ZNF462: variants seen among roughly 807,000 people sequenced by gnomAD.
ZNF462 encodes zinc finger PBX1-interacting protein.
In ZNF462, 10 loss-of-function variants were observed where a neutral mutation model predicts 201.9. The observed-to-expected ratio is 0.05, with a 90% CI of 0.03 to 0.08. The LOEUF is 0.08. Among genes scored for constraint, ZNF462 ranks in the 10% least tolerant of loss-of-function variants. ZNF462 has a pLI of 1.00. For synonymous variants in ZNF462, 1,227 were observed against 1,193.3 expected (o/e 1.03, Z -0.58); for missense variants, 2,523 against 3,168.3 (o/e 0.80, Z 4.89).
chr9:106,965,673 G>T (rs1487585002), intron 7 of ZNF462, among the ~76,000 whole-genome samples: 3 of 152,086 alleles, frequency 2.0e-5, no homozygotes, highest in Non-Finnish European at 4.4e-5. Context: ...GGGAAAGATG[G>T]TGTCAGTTCT....
chr9:106,959,571 A>T (rs1831734499), intron 7 of ZNF462, among the ~76,000 whole-genome samples: 1 of 152,086 alleles, frequency 6.6e-6, no homozygotes. Context: ...CCACTTGACA[A>T]ATGAGGACAC....
intron 1 of ZNF462, among the ~76,000 whole-genome samples, chr9:106,918,445 G>A (rs997632953): frequency 6.6e-6 from 1 of 152,100 alleles, no homozygotes; most frequent in Non-Finnish European, 1.5e-5. Context: ...GTTCCTGAAA[G>A]AGATTTCACC....
chr9:106,957,637 CAGA>C (rs1831640307), intron 7 of ZNF462, among the ~76,000 whole-genome samples: 1 of 152,022 alleles, frequency 6.6e-6, no homozygotes, highest in South Asian at 2.1e-4. Context: ...CTAAGACATC[CAGA>C]AGAATATTGC....
chr9:106,949,418 A>G (rs942065382), intron 7 of ZNF462, among the ~76,000 whole-genome samples: 11 of 152,202 alleles, frequency 7.2e-5, no homozygotes, highest in African/African-American at 2.4e-4. Flanking sequence ...GAAAAAGCCA[A>G]TGGAATCTGG....
Position 106,984,300 on chromosome 9 carries a change from A to G in ZNF462, c.6947A>G (p.Gln2316Arg). The change falls in exon 10 of 13, where the codon CAG becomes CGG. Residue 2316 changes from glutamine to arginine, a missense_variant. Physicochemically the swap from Gln to Arg is conservative, Grantham distance 43. This residue lies in a region of ZNF462 where 228 missense variants were observed against 361.2 expected (regional missense o/e 0.63). Transcript: ENST00000277225. The surrounding 1 kb of genome is among the most constrained non-coding windows in gnomAD (Gnocchi z 6.4). ...TFTCSSDESL[Q>R]QHIEKHNELK... ...ACCTGCTCCAGTGATGAGAGCCTCC[A>G]GCAACATATAGAAAAGCACAATGAA... 6.2e-7 allele frequency: 1 copy of G among 1,614,142 alleles called. No homozygotes were observed. The highest frequency in any genetic ancestry group is 8.5e-7 in the Non-Finnish European group (1 of 1,179,990).
At chr9:106,958,449 C>T (rs968503506) in intron 7 of ZNF462, among the ~76,000 whole-genome samples, 1 of 152,110 alleles carries the variant, frequency 6.6e-6, no homozygotes, top group East Asian at 1.9e-4. Context: ...TAAAAGGGTC[C>T]TACTATCTCA....
intron 7 of ZNF462, among the ~76,000 whole-genome samples, chr9:106,969,641 A>T (rs1036190521): frequency 6.6e-6 from 1 of 152,118 alleles, no homozygotes; most frequent in African/African-American, 2.4e-5. Flanking sequence ...GGTATCTGAG[A>T]TGACTACCAG....
rs1395540004 is a variant in ZNF462, at chr9:106,981,977, T to C, written c.6833-2209T>C. On this transcript the variant is annotated intron_variant, in intron 9 of 12. Transcript: ENST00000277225. This position sits in a 1 kb window ranked among gnomAD's most constrained non-coding sequence, Gnocchi z 4.0. Reference sequence around the variant, plus strand: ...ATAACATATAAATGAGGAACTAAAATGTAGAGAGAGCAAGGGGGATGCAGT... The same window carrying C: ...ATAACATATAAATGAGGAACTAAAACGTAGAGAGAGCAAGGGGGATGCAGT... 6.6e-6 allele frequency among the ~76,000 whole-genome samples: 1 copy of C among 152,084 alleles called. No individual in the cohort carries two copies. The highest frequency in any genetic ancestry group is 1.5e-5 in the Non-Finnish European group (1 of 68,008).
At position 106,864,094 on chromosome 9, in the gene ZNF462, CTCTCTCTCTCTCT is replaced by C. The variant is rs1564062723; in HGVS notation, c.-31+740_-31+752del. The stretch of plus-strand genomic sequence containing the variant: ...TCTCTCTCTCTCTCTCTCTCTCTCT[CTCTCTCTCTCTCT>C]CTCCCTCTCCCCGAAGTTGGGATGC... On this transcript the variant is annotated intron_variant, in intron 1 of 12. Transcript: ENST00000277225. 2.2e-3 allele frequency among the ~76,000 whole-genome samples: 289 copies of C among 129,988 alleles called. 15 individuals are homozygous for C. Among genetic ancestry groups the C allele is most frequent in the Non-Finnish European group, 2.9e-3 (174 of 59,236 alleles). 85.3% of individuals were successfully genotyped at this position (129,988 alleles called of 152,430 possible).
chr9:106,998,703 G>A (rs927356118), intron 10 of ZNF462, among the ~76,000 whole-genome samples: 1 of 152,064 alleles, frequency 6.6e-6, no homozygotes, highest in Non-Finnish European at 1.5e-5. Flanking sequence ...CACTTCCCAG[G>A]TTTAAGCAAT....
intron 1 of ZNF462, 149 bp downstream of exon 1, chr9:106,863,504 G>A (rs1295844462): frequency 1.4e-5 from 4 of 280,630 alleles, no homozygotes; most frequent in Non-Finnish European, 2.6e-5. Context: ...GCATGGACTG[G>A]CTGTTGGAAG....
rs560002087 is a variant in ZNF462, at chr9:106,978,485, TAGCAAAGGTTGA to T, written c.6832+4221_6832+4232del. Among the ~76,000 whole-genome samples the T allele has an allele frequency of 6.6e-6, 1 of 151,646 alleles. No homozygotes were observed. Among genetic ancestry groups the T allele is most frequent in the Admixed American group, 6.5e-5 (1 of 15,294 alleles). On this transcript the variant is annotated intron_variant, in intron 9 of 12. Coordinates refer to ENST00000277225, the MANE Select transcript of ZNF462 (RefSeq NM_021224.6). The surrounding 1 kb of genome is among the most constrained non-coding windows in gnomAD (Gnocchi z 4.1). ...ATGAGACACTTATTGAATACTAATT[TAGCAAAGGTTGA>T]AGCAAAGGATTGGTAGACCCATCTC... is the stretch of plus-strand genomic sequence containing the variant.
chr9:106,876,894 A>G lies in ZNF462; in HGVS notation c.-31+13539A>G, dbSNP rs1256092217. The stretch of plus-strand genomic sequence containing the variant: ...CCTCACTGTTGCTCTACTCACATAC[A>G]TATCTCTTAGCCAGTTTGAGGACTG... On this transcript the variant is annotated intron_variant, in intron 1 of 12. Transcript: ENST00000277225. The surrounding 1 kb of genome is among the most constrained non-coding windows in gnomAD (Gnocchi z 4.9). 6.6e-6 allele frequency among the ~76,000 whole-genome samples: 1 copy of G among 152,304 alleles called. No homozygotes were observed. The highest frequency in any genetic ancestry group is 1.9e-4 in the East Asian group (1 of 5,182).
At chr9:107,000,930 C>T (rs986665756) in intron 10 of ZNF462, among the ~76,000 whole-genome samples, 8 of 152,072 alleles carry the variant, frequency 5.3e-5, no homozygotes, top group Admixed American at 1.3e-4. Flanking sequence ...AGCAAGCCAG[C>T]CCTCCAGGAA....
At chr9:106,884,623 A>G (rs1286912966) in intron 1 of ZNF462, among the ~76,000 whole-genome samples, 1 of 152,130 alleles carries the variant, frequency 6.6e-6, no homozygotes, top group African/African-American at 2.4e-5. Context: ...AATTGGATGC[A>G]ATTTTTTCAT....
chr9:106,930,475 C>A lies in ZNF462; in HGVS notation c.5848-50C>A. ...AGTAAACTGCAAGAATAAATTCTGA[C>A]AATTGAGGGAGGGCTCGGAGTACTG... On this transcript the variant is annotated intron_variant, in intron 3 of 12. Coordinates refer to ENST00000277225, the MANE Select transcript of ZNF462 (RefSeq NM_021224.6). This position sits in a 1 kb window ranked among gnomAD's most constrained non-coding sequence, Gnocchi z 5.8. The A allele has an allele frequency of 6.3e-7, 1 of 1,596,462 alleles. No homozygotes were observed. Among genetic ancestry groups the A allele is most frequent in the South Asian group, 1.1e-5 (1 of 89,766 alleles).
chr9:106,945,941 C>A (rs1831086525), intron 7 of ZNF462, among the ~76,000 whole-genome samples: 1 of 152,194 alleles, frequency 6.6e-6, no homozygotes, highest in Non-Finnish European at 1.5e-5. Context: ...TACACGCTTC[C>A]CAAGATACCA....
chr9:106,925,608 C>T lies in ZNF462; in HGVS notation c.1696C>T (p.Pro566Ser). The part of the protein sequence containing the change: ...QPQPLQQPQP[P>S]QLQPPHQVPP... Reference sequence around the variant, plus strand: ...ACAGCCACTGCAGCAGCCACAGCCACCACAGCTGCAGCCACCACATCAGGT... The same window carrying T: ...ACAGCCACTGCAGCAGCCACAGCCATCACAGCTGCAGCCACCACATCAGGT... Residue 566 changes from proline to serine, a missense_variant, in exon 3 of 13, where the codon CCA becomes TCA. Coordinates refer to ENST00000277225, the MANE Select transcript of ZNF462 (RefSeq NM_021224.6). This position sits in a 1 kb window ranked among gnomAD's most constrained non-coding sequence, Gnocchi z 7.9. 6.2e-7 allele frequency: 1 copy of T among 1,612,552 alleles called. No individual in the cohort carries two copies. The highest frequency in any genetic ancestry group is 8.5e-7 in the Non-Finnish European group (1 of 1,179,734).
chr9:106,910,679 G>A (rs1296824787), intron 1 of ZNF462, among the ~76,000 whole-genome samples: 2 of 151,986 alleles, frequency 1.3e-5, no homozygotes, highest in Admixed American at 1.3e-4. Context: ...GTTTGGTGTG[G>A]CCAAACTCTT....
Sources: gnomAD v4.1 joint callset for allele counts (sites outside exome capture counted in the v4.1 genomes callset) on GRCh38, gnomAD v4.1.1 for gene constraint, gnomAD v4.1.1 regional missense constraint, Gnocchi (gnomAD v3.1) non-coding constraint, MANE v1.5 for transcripts, NCBI Gene and HGNC (gene_info 2026-07-23, HGNC 2026-07-21) for gene names.